The following LSAMP variants were observed in gnomAD, a reference collection of about 807,000 sequenced individuals.
LSAMP encodes the protein limbic system associated membrane protein.
Under a neutral mutation model 38.6 loss-of-function variants are expected in LSAMP, and 7 were observed. That is an observed-to-expected ratio of 0.18 (90% CI 0.10 to 0.34). The LOEUF (loss-of-function observed/expected upper bound fraction) is 0.34, where lower values mean the gene tolerates loss of function less well. Ranked by LOEUF, LSAMP falls within the 10% of genes least tolerant of loss-of-function variation. The pLI is 1.00. For missense variants in LSAMP, 313 were observed against 420.0 expected (o/e 0.75, Z 2.23); for synonymous variants, 154 against 166.8 (o/e 0.92, Z 0.59).
intron 1 of LSAMP, among the ~76,000 whole-genome samples, chr3:116,122,982 G>C (rs1449547026): frequency 6.6e-6 from 1 of 152,190 alleles, no homozygotes; most frequent in African/African-American, 2.4e-5. Flanking sequence ...AGATACAAAA[G>C]AGGTACTATA....
rs1050229598 is a variant in LSAMP at position 115,893,592 on chromosome 3, T to C, written c.515-40975A>G. 5.3e-5 allele frequency among the ~76,000 whole-genome samples: 8 copies of C among 152,124 alleles called. No individual in the cohort carries two copies. In the South Asian group the frequency reaches 1.7e-3, roughly 32 times the overall value. On this transcript the variant is annotated intron_variant, in intron 3 of 6. Transcript: ENST00000490035. Reference sequence around the variant, plus strand: ...TTAACATACAATTTTTGATCAATCATAGTAGAGAAAAATTGAGTTGTCTCT... The same window carrying C: ...TTAACATACAATTTTTGATCAATCACAGTAGAGAAAAATTGAGTTGTCTCT...
chr3:116,079,049 T>C (rs1371512110), intron 2 of LSAMP, among the ~76,000 whole-genome samples: 1 of 152,182 alleles, frequency 6.6e-6, no homozygotes, highest in African/African-American at 2.4e-5. Flanking sequence ...TTAATAATCA[T>C]TAATAACTTC....
Position 116,117,863 on chromosome 3 carries a change from G to A in LSAMP, c.156-31307C>T, listed in dbSNP as rs565410787. Among the ~76,000 whole-genome samples, 21 of 152,258 alleles carry A rather than the reference G, an allele frequency of 1.4e-4. No individual in the cohort carries two copies. In the South Asian group the frequency reaches 3.7e-3, roughly 27 times the overall value. ...TGACTCTGACCTGGATGACCTGCCT[G>A]AGGTAGTGTTTGTCAGTTTTGTCCA... On this transcript the variant is annotated intron_variant, in intron 1 of 6. Coordinates refer to ENST00000490035, the MANE Select transcript of LSAMP (RefSeq NM_002338.5).
At chr3:116,442,595 T>C (rs1307143948) in intron 1 of LSAMP, among the ~76,000 whole-genome samples, 1 of 152,096 alleles carries the variant, frequency 6.6e-6, no homozygotes, top group Non-Finnish European at 1.5e-5. Flanking sequence ...GGGAATTCTC[T>C]CCATAGTTAA....
At chr3:116,148,793 C>A (rs1428001390) in intron 1 of LSAMP, among the ~76,000 whole-genome samples, 1 of 151,954 alleles carries the variant, frequency 6.6e-6, no homozygotes, top group Non-Finnish European at 1.5e-5. Flanking sequence ...CAGAATAAAT[C>A]AGTAACAATA....
intron 1 of LSAMP, among the ~76,000 whole-genome samples, chr3:116,359,794 G>A (rs1419338355): frequency 6.6e-6 from 1 of 151,992 alleles, no homozygotes; most frequent in Admixed American, 6.6e-5. Context: ...AATTGAAACT[G>A]GGCCCCTTCC....
intron 1 of LSAMP, among the ~76,000 whole-genome samples, chr3:116,113,820 C>T (rs1172036924): frequency 3.3e-5 from 5 of 152,036 alleles, no homozygotes; most frequent in African/African-American, 1.2e-4. Flanking sequence ...ATTTACTACT[C>T]ACAAAAACAA....
chr3:116,438,916 C>G (rs1401049157), intron 1 of LSAMP, among the ~76,000 whole-genome samples: 1 of 152,160 alleles, frequency 6.6e-6, no homozygotes, highest in Non-Finnish European at 1.5e-5. Flanking sequence ...ATTTGTTCAT[C>G]TTTGGCTACT....
At chr3:116,117,430 T>G (rs1047189014) in intron 1 of LSAMP, among the ~76,000 whole-genome samples, 3 of 152,266 alleles carry the variant, frequency 2.0e-5, no homozygotes, top group African/African-American at 7.2e-5. Flanking sequence ...TTCTCCCTAT[T>G]ATTAGCATCT....
intron 1 of LSAMP, among the ~76,000 whole-genome samples, chr3:116,179,903 C>T (rs1227946168): frequency 6.6e-6 from 1 of 152,104 alleles, no homozygotes; most frequent in Admixed American, 6.6e-5. Context: ...CTTTTGACCT[C>T]CTAGTCTTTT....
intron 6 of LSAMP, among the ~76,000 whole-genome samples, chr3:115,816,898 A>G (rs1261610322): frequency 1.3e-5 from 2 of 152,216 alleles, no homozygotes; most frequent in Non-Finnish European, 2.9e-5. Flanking sequence ...CTGATGCTAC[A>G]TTGTATGCAT....
intron 3 of LSAMP, among the ~76,000 whole-genome samples, chr3:115,945,471 G>A (rs1357461498): frequency 6.6e-6 from 1 of 152,014 alleles, no homozygotes; most frequent in East Asian, 1.9e-4. Flanking sequence ...ATTGTAAAGG[G>A]GTGAGAAATG....
chr3:116,162,323 C>T (rs1709906879), intron 1 of LSAMP, among the ~76,000 whole-genome samples: 1 of 152,082 alleles, frequency 6.6e-6, no homozygotes. Flanking sequence ...GGTGAAGTCA[C>T]CTTGTTCCTG....
At chr3:116,272,752 T>C (rs1430073994) in intron 1 of LSAMP, among the ~76,000 whole-genome samples, 5 of 152,294 alleles carry the variant, frequency 3.3e-5, no homozygotes, top group Non-Finnish European at 5.9e-5. Context: ...TCCTCCTGTA[T>C]GTGTAAGAAT....
At chr3:116,118,642 C>G (rs1425598552) in intron 1 of LSAMP, among the ~76,000 whole-genome samples, 1 of 152,102 alleles carries the variant, frequency 6.6e-6, no homozygotes, top group Admixed American at 6.6e-5. Flanking sequence ...CTCAGGATTA[C>G]AGAGTTAGCT....
At chr3:116,317,509 C>T (rs1328556479) in intron 1 of LSAMP, among the ~76,000 whole-genome samples, 2 of 152,010 alleles carry the variant, frequency 1.3e-5, no homozygotes, top group South Asian at 2.1e-4. Context: ...GCGCCCGCCA[C>T]CACGTCTGGC....
intron 1 of LSAMP, among the ~76,000 whole-genome samples, chr3:116,136,610 ACTTTG>A (rs1709253001): frequency 2.0e-5 from 3 of 151,976 alleles, no homozygotes; most frequent in Non-Finnish European, 4.4e-5. Flanking sequence ...TAAAAATCCT[ACTTTG>A]CTTTTCTCTT....
intron 3 of LSAMP, among the ~76,000 whole-genome samples, chr3:115,884,291 C>T (rs1936395771): frequency 6.6e-6 from 1 of 151,944 alleles, no homozygotes; most frequent in Admixed American, 6.6e-5. Context: ...TCTTAGAGAA[C>T]AATCTTAAAC....
intron 2 of LSAMP, among the ~76,000 whole-genome samples, chr3:116,026,244 G>A (rs946964353): frequency 5.3e-5 from 8 of 152,094 alleles, no homozygotes; most frequent in Non-Finnish European, 1.5e-5. Flanking sequence ...CTGTTTTTCT[G>A]TCCCTCCTTA....
Sources: gnomAD v4.1 joint callset for allele counts (sites outside exome capture counted in the v4.1 genomes callset) on GRCh38, gnomAD v4.1.1 for gene constraint, MANE v1.5 for transcripts, NCBI Gene and HGNC (gene_info 2026-07-23, HGNC 2026-07-21) for gene names.